The following DHRS7B variants were observed in gnomAD, a reference collection of about 807,000 sequenced individuals.
DHRS7B encodes the protein peroxisomal reductase activating PPAR-gamma.
Under a neutral mutation model 26.4 loss-of-function variants are expected in DHRS7B, and 24 were observed. That is an observed-to-expected ratio of 0.91 (90% CI 0.66 to 1.28). DHRS7B has a LOEUF of 1.28. Among genes scored for constraint, DHRS7B ranks in the 50% most tolerant of loss-of-function variants. The probability of loss-of-function intolerance (pLI) is 0.00; values close to 1 mark genes in which losing one functional copy is unlikely to be tolerated. For missense variants in DHRS7B, 368 were observed against 419.4 expected (o/e 0.88, Z 1.07); for synonymous variants, 142 against 166.4 (o/e 0.85, Z 1.13).
Position 21,172,084 on chromosome 17 carries a change from C to T in DHRS7B, c.87C>T (p.Phe29=), listed in dbSNP as rs772883192. Residue 29 remains phenylalanine (F), a synonymous_variant, in exon 2 of 7, where the codon TTC becomes TTT. Transcript: ENST00000395511. ...ITSTAILPLL[F]GCLGVFGLFR... ...CCACAGCCATCCTGCCCCTGCTGTT[C>T]GGCTGCCTGGGCGTCTTCGGCCTCT... 4.3e-6 allele frequency: 7 copies of T among 1,614,072 alleles called. No homozygotes were observed. Among genetic ancestry groups the T allele is most frequent in the East Asian group, 2.2e-5 (1 of 44,890 alleles).
At chr17:21,164,110 C>T (rs551702802) in intron 1 of DHRS7B, among the ~76,000 whole-genome samples, 1 of 141,472 alleles carries the variant, frequency 7.1e-6, no homozygotes, top group Admixed American at 7.4e-5. Flanking sequence ...CTCACTATAA[C>T]CTCAAACTCC....
chr17:21,182,932 A>G (rs1454656472), intron 3 of DHRS7B, among the ~76,000 whole-genome samples: 1 of 152,188 alleles, frequency 6.6e-6, no homozygotes, highest in African/African-American at 2.4e-5. Context: ...TCTCCTCTTC[A>G]GTTTTCTAGA....
At chr17:21,128,912 A>G (rs1973166097) in intron 1 of DHRS7B, 1 of 150,756 alleles carries the variant, frequency 6.6e-6, no homozygotes, top group South Asian at 2.1e-4. Context: ...CCTGTCTCAA[A>G]CAACAACAAC....
intron 1 of DHRS7B, among the ~76,000 whole-genome samples, chr17:21,138,101 T>TATATATATATATATACACACACAC (rs1555536219): frequency 4.6e-5 from 4 of 86,112 alleles, no homozygotes; most frequent in African/African-American, 2.3e-4. Context: ...TATATATATA[T>TATATATATATATATACACACACAC]ACACACACAC....
At chr17:21,178,122 G>C in intron 2 of DHRS7B, 111 bp from the exon 3 acceptor site, 1 of 1,022,442 alleles carries the variant, frequency 9.8e-7, no homozygotes, top group Non-Finnish European at 1.5e-6. Context: ...CACAGCAGGG[G>C]CCAACACAGA....
intron 1 of DHRS7B, chr17:21,127,479 G>A (rs1597726909): frequency 6.3e-6 from 1 of 158,778 alleles, no homozygotes; most frequent in Non-Finnish European, 1.4e-5. Flanking sequence ...GGCAGGAGGA[G>A]GGTGCTGACT....
chr17:21,137,621 C>G (rs1411954437), intron 1 of DHRS7B, among the ~76,000 whole-genome samples: 2 of 152,210 alleles, frequency 1.3e-5, no homozygotes, highest in South Asian at 2.1e-4. Context: ...CCACGCCAGG[C>G]TAGTTTTATA....
chr17:21,173,489 G>C (rs1370543106), intron 2 of DHRS7B, among the ~76,000 whole-genome samples: 1 of 152,224 alleles, frequency 6.6e-6, no homozygotes, highest in African/African-American at 2.4e-5. Context: ...GACAGGCCCA[G>C]AGGTAGGGGA....
At chr17:21,171,812 G>T in intron 1 of DHRS7B, 1 of 703,004 alleles carries the variant, frequency 1.4e-6, no homozygotes, top group Non-Finnish European at 2.6e-6. Context: ...TTTTCTGTCC[G>T]CTCATGTCAG....
chr17:21,141,640 A>AAAAAAAAAAAATAAG, intron 1 of DHRS7B, among the ~76,000 whole-genome samples: 1 of 90,078 alleles, frequency 1.1e-5, no homozygotes, highest in Non-Finnish European at 2.1e-5. Flanking sequence ...AAAAAAAAAA[A>AAAAAAAAAAAATAAG]CAACCTCATC....
intron 1 of DHRS7B, among the ~76,000 whole-genome samples, chr17:21,162,046 GC>G (rs1335415195): frequency 6.6e-6 from 1 of 151,506 alleles, no homozygotes; most frequent in African/African-American, 2.4e-5. Flanking sequence ...TTCAGGGTGA[GC>G]CATCATCCTA....
chr17:21,148,266 T>C (rs1204743104), intron 1 of DHRS7B, among the ~76,000 whole-genome samples: 1 of 151,962 alleles, frequency 6.6e-6, no homozygotes, highest in African/African-American at 2.4e-5. Context: ...TCAAGGAAAC[T>C]CAATGATCTC....
At chr17:21,145,395 T>C (rs1973621407) in intron 1 of DHRS7B, among the ~76,000 whole-genome samples, 1 of 152,170 alleles carries the variant, frequency 6.6e-6, no homozygotes, top group Non-Finnish European at 1.5e-5. Flanking sequence ...CAGTAACTCT[T>C]CAGAAAACGT....
chr17:21,134,275 C>G (rs1597729623), intron 1 of DHRS7B, among the ~76,000 whole-genome samples: 1 of 152,232 alleles, frequency 6.6e-6, no homozygotes, highest in East Asian at 1.9e-4. Flanking sequence ...GTATACAGTG[C>G]AGCAAGAATA....
intron 1 of DHRS7B, among the ~76,000 whole-genome samples, chr17:21,138,093 TATATATATACACAC>T (rs1329897666): frequency 7.7e-5 from 6 of 78,224 alleles, no homozygotes; most frequent in African/African-American, 3.7e-4. Context: ...TATATATATA[TATATATATACACAC>T]ACACACACAC....
intron 1 of DHRS7B, among the ~76,000 whole-genome samples, chr17:21,154,081 G>A (rs1973829722): frequency 1.3e-5 from 2 of 152,258 alleles, no homozygotes; most frequent in South Asian, 2.1e-4. Flanking sequence ...GGCTGAGGTG[G>A]GTGGATCACC....
chr17:21,180,073 CTTT>C (rs59348588), intron 3 of DHRS7B, among the ~76,000 whole-genome samples: 6 of 121,906 alleles, frequency 4.9e-5, no homozygotes, highest in African/African-American at 6.4e-5. Flanking sequence ...AGCCCACTTT[CTTT>C]TTTTTTTTTT....
intron 5 of DHRS7B, among the ~76,000 whole-genome samples, chr17:21,184,833 T>C (rs9916536): frequency 0.076 from 11,642 of 152,290 alleles, 763 homozygotes; most frequent in African/African-American, 0.19. Context: ...CCCACAGATA[T>C]AACCATGCCA....
chr17:21,138,228 T>G (rs1973409677), intron 1 of DHRS7B, among the ~76,000 whole-genome samples: 2 of 125,736 alleles, frequency 1.6e-5, no homozygotes, highest in South Asian at 5.5e-4. Flanking sequence ...TTTTTTTTTT[T>G]TTTTTTGAGA....
Sources: allele counts gnomAD v4.1 joint callset (sites outside exome capture counted in the v4.1 genomes callset), GRCh38; gene constraint gnomAD v4.1.1; transcripts MANE v1.5; gene names NCBI Gene and HGNC (gene_info 2026-07-23, HGNC 2026-07-21).